Variants in KCNIP4 observed in about 807,000 individuals in gnomAD.
KCNIP4 encodes the protein Kv channel-interacting protein 4.
A neutral mutation model predicts 34.0 loss-of-function variants in KCNIP4; 12 were observed. That is an observed-to-expected ratio of 0.35 (90% CI 0.23 to 0.57). KCNIP4 has a LOEUF of 0.57. Ranked by LOEUF, KCNIP4 falls within the 20% of genes least tolerant of loss-of-function variation. The pLI, the probability that KCNIP4 is intolerant of heterozygous loss-of-function variation, is 0.83. For missense variants in KCNIP4, 238 were observed against 311.7 expected (o/e 0.76, Z 1.78); for synonymous variants, 124 against 102.2 (o/e 1.21, Z -1.29).
intron 1 of KCNIP4, among the ~76,000 whole-genome samples, chr4:21,199,787 A>C (rs1277641815): frequency 9.4e-6 from 1 of 106,206 alleles, no homozygotes; most frequent in Non-Finnish European, 1.9e-5. Context: ...ACTTGGAACC[A>C]ACCCAAATGT....
intron 1 of KCNIP4, among the ~76,000 whole-genome samples, chr4:21,505,643 C>A (rs1307889874): frequency 6.6e-6 from 1 of 152,142 alleles, no homozygotes; most frequent in African/African-American, 2.4e-5. Context: ...TGTTTACAAA[C>A]CCAACTTCCC....
intron 1 of KCNIP4, among the ~76,000 whole-genome samples, chr4:21,192,533 C>T (rs1755727333): frequency 1.3e-5 from 2 of 152,230 alleles, no homozygotes; most frequent in East Asian, 1.9e-4. Flanking sequence ...TTCAATCACT[C>T]TCCAGTTTTC....
chr4:21,225,080 T>A (rs1758280227), intron 1 of KCNIP4, among the ~76,000 whole-genome samples: 1 of 152,206 alleles, frequency 6.6e-6, no homozygotes, highest in African/African-American at 2.4e-5. Context: ...TGATATCTGG[T>A]AAGCAAAGTG....
chr4:21,153,134 T>C (rs1229971923), intron 1 of KCNIP4, among the ~76,000 whole-genome samples: 2 of 152,188 alleles, frequency 1.3e-5, no homozygotes, highest in African/African-American at 4.8e-5. Context: ...CACAGGTGTA[T>C]GCACAGGCTA....
chr4:21,323,081 T>G (rs1432990469), intron 1 of KCNIP4, among the ~76,000 whole-genome samples: 1 of 151,006 alleles, frequency 6.6e-6, no homozygotes, highest in Non-Finnish European at 1.5e-5. Context: ...CAAATTTTCA[T>G]CAAATGTTGA....
intron 1 of KCNIP4, among the ~76,000 whole-genome samples, chr4:20,954,157 G>A (rs574524060): frequency 2.0e-5 from 3 of 152,248 alleles, no homozygotes; most frequent in African/African-American, 7.2e-5. Flanking sequence ...GATCAAAAAT[G>A]ATGGCAAGAA....
In KCNIP4 at chr4:21,891,905, C is replaced by T. The variant is rs570825932; in HGVS notation, c.61+56666G>A. ...ATTTGCCTCTGTCTCTTTTTCAGAA[C>T]GGTTTTGATTAATTGAGAGTTGTGG... On this transcript the variant is annotated intron_variant, in intron 1 of 8. Transcript: ENST00000382152. Among the ~76,000 whole-genome samples, 21 of 151,826 alleles carry T rather than the reference C, an allele frequency of 1.4e-4. No individual in the cohort carries two copies. In the South Asian group the frequency reaches 2.9e-3, roughly 21 times the overall value.
chr4:21,406,878 G>A (rs1333817869), intron 1 of KCNIP4, among the ~76,000 whole-genome samples: 6 of 152,106 alleles, frequency 3.9e-5, no homozygotes, highest in African/African-American at 1.4e-4. Context: ...CAGGGGCTTG[G>A]CAGTTTTGTG....
At chr4:20,895,984 TCAAA>T (rs1388053725) in intron 1 of KCNIP4, among the ~76,000 whole-genome samples, 2 of 152,202 alleles carry the variant, frequency 1.3e-5, no homozygotes, top group Non-Finnish European at 2.9e-5. Context: ...GCTTTTTAGC[TCAAA>T]CACTTTTTTT....
At chr4:21,155,575 T>G (rs1041535944) in intron 1 of KCNIP4, among the ~76,000 whole-genome samples, 1 of 152,168 alleles carries the variant, frequency 6.6e-6, no homozygotes, top group African/African-American at 2.4e-5. Context: ...TAAAGAGCTA[T>G]TGGACGTTCT....
intron 1 of KCNIP4, chr4:21,848,886 T>C (rs1217396966): frequency 2.0e-5 from 3 of 151,872 alleles, no homozygotes; most frequent in East Asian, 3.9e-4. Context: ...GTTCTAAAAA[T>C]GAATGGGACC....
intron 1 of KCNIP4, among the ~76,000 whole-genome samples, chr4:21,352,472 C>T (rs1718106789): frequency 6.6e-6 from 1 of 152,258 alleles, no homozygotes; most frequent in Admixed American, 6.5e-5. Context: ...CCAGGAGATT[C>T]TCTCCTGTGC....
At position 20,825,225 on chromosome 4, in the gene KCNIP4, G is replaced by GTTTTTTTTTTTTTTTTT. The variant is rs71181592; in HGVS notation, c.288+25301_288+25317dup. Among the ~76,000 whole-genome samples the GTTTTTTTTTTTTTTTTT allele has an allele frequency of 7.9e-5, 9 of 113,636 alleles. 1 individual carries two copies. Among genetic ancestry groups the GTTTTTTTTTTTTTTTTT allele is most frequent in the Non-Finnish European group, 1.2e-4 (7 of 57,330 alleles). The allele number at this position is 113,636 out of a possible 152,430, so 74.5% of individuals were successfully genotyped here. On this transcript the variant is annotated intron_variant, in intron 3 of 8. Transcript: ENST00000382152. ...AAAGGATTGACCTGGTCAATTTTACGTTTTTTTTTTTTTTTTTTTTTTTTG... is the reference window on the plus strand; with the variant it reads ...AAAGGATTGACCTGGTCAATTTTACGTTTTTTTTTTTTTTTTTTTTTTTTTTTTTTTTTTTTTTTTTG...
intron 1 of KCNIP4, among the ~76,000 whole-genome samples, chr4:20,905,338 G>T (rs534713386): frequency 6.6e-6 from 1 of 151,938 alleles, no homozygotes; most frequent in Non-Finnish European, 1.5e-5. Flanking sequence ...CTGAATTAGG[G>T]TTTCACCCTA....
chr4:20,940,192 C>G (rs1731499368), intron 1 of KCNIP4, among the ~76,000 whole-genome samples: 1 of 152,154 alleles, frequency 6.6e-6, no homozygotes, highest in Non-Finnish European at 1.5e-5. Flanking sequence ...AGGCACAGCC[C>G]AGTCAACATT....
At chr4:21,607,980 G>C (rs1392787748) in intron 1 of KCNIP4, among the ~76,000 whole-genome samples, 2 of 152,188 alleles carry the variant, frequency 1.3e-5, no homozygotes, top group Admixed American at 1.3e-4. Flanking sequence ...GACGTGCAAA[G>C]TTCTTGGGAT....
At chr4:21,344,583 A>T (rs1342001789) in intron 1 of KCNIP4, among the ~76,000 whole-genome samples, 1 of 152,146 alleles carries the variant, frequency 6.6e-6, no homozygotes, top group Admixed American at 6.6e-5. Flanking sequence ...ATTCTGAGAC[A>T]GATAGGTATG....
At chr4:20,899,571 G>T (rs775914288) in intron 1 of KCNIP4, among the ~76,000 whole-genome samples, 1 of 152,160 alleles carries the variant, frequency 6.6e-6, no homozygotes, top group Non-Finnish European at 1.5e-5. Context: ...GTTATGCAAA[G>T]TGAAGTCACA....
rs531182444 is a variant in KCNIP4, at chr4:21,414,684, G to C, written c.62-531975C>G. 2.6e-5 allele frequency among the ~76,000 whole-genome samples: 4 copies of C among 152,164 alleles called. No homozygotes were observed. In the East Asian group the frequency reaches 7.7e-4, roughly 29 times the overall value. ...TAGCCAAGAGGTGAAAACAATCTAA[G>C]TGTCCATCAATAGATGAATAGGTAA... is the stretch of plus-strand genomic sequence containing the variant. On this transcript the variant is annotated intron_variant, in intron 1 of 8. Coordinates refer to ENST00000382152, the MANE Select transcript of KCNIP4 (RefSeq NM_025221.6).
Sources: gnomAD v4.1 joint callset for allele counts (sites outside exome capture counted in the v4.1 genomes callset) on GRCh38, gnomAD v4.1.1 for gene constraint, MANE v1.5 for transcripts, NCBI Gene and HGNC (gene_info 2026-07-23, HGNC 2026-07-21) for gene names.